Variants in DISC1 observed in about 807,000 individuals in gnomAD.
The protein encoded by DISC1 is disrupted in schizophrenia 1 protein.
In DISC1, 57 loss-of-function variants were observed where a neutral mutation model predicts 84.5. The ratio of observed to expected loss-of-function variants is 0.67; its 90% CI spans 0.55 to 0.84. The LOEUF is 0.84. Ranked by LOEUF, DISC1 falls within the 40% of genes least tolerant of loss-of-function variation. DISC1 has a pLI of 0.00. For synonymous variants in DISC1, 411 were observed against 415.2 expected (o/e 0.99, Z 0.12); for missense variants, 1,000 against 1,057.8 (o/e 0.95, Z 0.76).
chr1:231,791,185 CATG>C (rs2125589940), intron 6 of DISC1, among the ~76,000 whole-genome samples: 1 of 152,310 alleles, frequency 6.6e-6, no homozygotes, highest in East Asian at 1.9e-4. Context: ...ATTTACAAAT[CATG>C]ATATTGATTA....
intron 3 of DISC1, among the ~76,000 whole-genome samples, chr1:231,733,772 T>TAC (rs1477960545): frequency 2.1e-5 from 3 of 145,858 alleles, no homozygotes; most frequent in East Asian, 4.1e-4. Context: ...GTGGTAGTGG[T>TAC]GGTGGTGGTG....
chr1:231,793,022 G>A (rs555183704), intron 6 of DISC1, among the ~76,000 whole-genome samples: 6 of 152,288 alleles, frequency 3.9e-5, no homozygotes, highest in Admixed American at 2.6e-4. Flanking sequence ...GTCTAAAGTG[G>A]TAATGACTGA....
At chr1:231,749,720 A>G (rs1302745828) in intron 3 of DISC1, among the ~76,000 whole-genome samples, 1 of 152,226 alleles carries the variant, frequency 6.6e-6, no homozygotes, top group Non-Finnish European at 1.5e-5. Flanking sequence ...TAAAAGAATA[A>G]AAGATAGGAG....
chr1:231,676,358 A>G (rs1201270264), intron 1 of DISC1, among the ~76,000 whole-genome samples: 7 of 152,144 alleles, frequency 4.6e-5, no homozygotes, highest in Admixed American at 2.0e-4. Context: ...TTGGCCTGGA[A>G]CTGTTATTTC....
At chr1:231,797,842 G>A (rs910310380) in intron 7 of DISC1, among the ~76,000 whole-genome samples, 1 of 151,986 alleles carries the variant, frequency 6.6e-6, no homozygotes, top group African/African-American at 2.4e-5. Context: ...GTTCCTTGGT[G>A]TCCAATTTTA....
chr1:231,961,538 C>G (rs1660380868), intron 10 of DISC1, among the ~76,000 whole-genome samples: 1 of 152,146 alleles, frequency 6.6e-6, no homozygotes, highest in Non-Finnish European at 1.5e-5. Flanking sequence ...TGCTTCCCTT[C>G]CTCCTCTGTC....
chr1:231,646,942 C>G (rs1368031387), intron 1 of DISC1, among the ~76,000 whole-genome samples: 2 of 152,068 alleles, frequency 1.3e-5, no homozygotes, highest in Non-Finnish European at 2.9e-5. Flanking sequence ...TGTTTAAGTT[C>G]TTTGTAGATT....
chr1:231,652,285 C>T (rs1051216213), intron 1 of DISC1, among the ~76,000 whole-genome samples: 1 of 152,152 alleles, frequency 6.6e-6, no homozygotes, highest in African/African-American at 2.4e-5. Context: ...CACATGTGCT[C>T]TGAGCCTAGA....
In DISC1 at chr1:231,872,454, C is replaced by T. The variant is rs555242334; in HGVS notation, c.1981+53937C>T. Among the ~76,000 whole-genome samples, 9 of 152,262 alleles carry T rather than the reference C, an allele frequency of 5.9e-5. No homozygotes were observed. In the South Asian group the frequency reaches 1.9e-3, roughly 32 times the overall value. Reference sequence around the variant, plus strand: ...CTGCACTCTCTAGGTCCCTAAAAGACCCCACAGTCTGATGCTTTGGCTGCA... The same window carrying T: ...CTGCACTCTCTAGGTCCCTAAAAGATCCCACAGTCTGATGCTTTGGCTGCA... On this transcript the variant is annotated intron_variant, in intron 9 of 12. Transcript: ENST00000439617.
At chr1:231,937,960 A>G (rs1484475511) in intron 9 of DISC1, among the ~76,000 whole-genome samples, 2 of 151,808 alleles carry the variant, frequency 1.3e-5, no homozygotes, top group Non-Finnish European at 2.9e-5. Context: ...TGGCTTCTAT[A>G]GACATCTCCT....
At chr1:231,876,494 C>T (rs1393184787) in intron 9 of DISC1, among the ~76,000 whole-genome samples, 1 of 152,182 alleles carries the variant, frequency 6.6e-6, no homozygotes, top group Non-Finnish European at 1.5e-5. Context: ...GCTTAATACA[C>T]CTTCCCATCT....
intron 9 of DISC1, among the ~76,000 whole-genome samples, chr1:231,925,293 G>A (rs903613819): frequency 4.6e-5 from 7 of 152,282 alleles, no homozygotes; most frequent in Non-Finnish European, 8.8e-5. Context: ...AAACGGTGAC[G>A]ATGATGACAG....
intron 10 of DISC1, among the ~76,000 whole-genome samples, chr1:231,988,837 C>G (rs1664810189): frequency 6.6e-6 from 1 of 152,190 alleles, no homozygotes; most frequent in African/African-American, 2.4e-5. Flanking sequence ...GGTGCAAGTT[C>G]CGTGGACTTC....
At chr1:231,759,652 G>C (rs1347090577) in intron 4 of DISC1, among the ~76,000 whole-genome samples, 1 of 151,646 alleles carries the variant, frequency 6.6e-6, no homozygotes, top group Non-Finnish European at 1.5e-5. Flanking sequence ...GCTGTAGCAA[G>C]CTATGATTAC....
In DISC1 at chr1:231,929,998, T is replaced by C. The variant is rs1042506262; in HGVS notation, c.1982-28830T>C. ...GTGCCAGCTGCAGGTAGCGTGGGAT[T>C]GACCCTGTTAGCCCTGGACATCAAG... is the stretch of plus-strand genomic sequence containing the variant. On this transcript the variant is annotated intron_variant, in intron 9 of 12. Transcript: ENST00000439617. 2.3e-4 allele frequency among the ~76,000 whole-genome samples: 35 copies of C among 152,120 alleles called. 1 individual carries two copies. The highest frequency in any genetic ancestry group is 2.3e-3 in the Admixed American group (35 of 15,276).
rs530387656 is a variant in DISC1 at position 231,914,471 on chromosome 1, G to T, written c.1982-44357G>T. Among the ~76,000 whole-genome samples the T allele has an allele frequency of 3.3e-5, 5 of 152,296 alleles. No individual in the cohort carries two copies. The East Asian group carries it at 9.6e-4, about 29-fold the overall frequency. ...GTCATCCTTGTCACAGCTCTGCTCG[G>T]CTTCTTTTGCAAACCGGTCACACCA... On this transcript the variant is annotated intron_variant, in intron 9 of 12. Coordinates refer to ENST00000439617, the MANE Select transcript of DISC1 (RefSeq NM_018662.3).
At chr1:231,780,747 C>T (rs2077351526) in intron 6 of DISC1, among the ~76,000 whole-genome samples, 1 of 88,150 alleles carries the variant, frequency 1.1e-5, no homozygotes. Context: ...ATAGCAAAGA[C>T]TTGGAACCAA....
intron 9 of DISC1, among the ~76,000 whole-genome samples, chr1:231,877,418 T>C (rs2085968398): frequency 6.6e-6 from 1 of 152,260 alleles, no homozygotes; most frequent in Non-Finnish European, 1.5e-5. Context: ...CCTCCTTTAC[T>C]GTTTAAAGAA....
At chr1:231,736,333 A>G (rs766615694) in intron 3 of DISC1, among the ~76,000 whole-genome samples, 10 of 152,320 alleles carry the variant, frequency 6.6e-5, no homozygotes, top group Admixed American at 6.5e-5. Context: ...AGTAATAGCA[A>G]AAGCCCAGAG....
Sources: allele counts gnomAD v4.1 joint callset (sites outside exome capture counted in the v4.1 genomes callset), GRCh38; gene constraint gnomAD v4.1.1; transcripts MANE v1.5; gene names NCBI Gene and HGNC (gene_info 2026-07-23, HGNC 2026-07-21).